The following VRK2 variants were observed in gnomAD, a reference collection of about 807,000 sequenced individuals.
VRK2 encodes VRK serine/threonine kinase 2.
VRK2 carries 60 observed loss-of-function variants against 57.6 expected under a neutral mutation model. The ratio of observed to expected loss-of-function variants is 1.04; its 90% CI spans 0.85 to 1.29. VRK2 has a LOEUF of 1.29. VRK2 is among the 50% of genes most tolerant of loss of function. VRK2 has a pLI of 0.00. For synonymous variants in VRK2, 231 were observed against 199.2 expected (o/e 1.16, Z -1.35); for missense variants, 705 against 588.1 (o/e 1.20, Z -2.06).
At chr2:58,135,262 C>A (rs887237021) in intron 10 of VRK2, 63 bp downstream of exon 10, 3 of 1,587,128 alleles carry the variant, frequency 1.9e-6, no homozygotes, top group Non-Finnish European at 2.6e-6. Flanking sequence ...TTGTCGTTAT[C>A]GTTTGGTAGC....
intron 1 of VRK2, among the ~76,000 whole-genome samples, chr2:57,958,419 G>A (rs183666343): frequency 6.6e-6 from 1 of 150,926 alleles, no homozygotes; most frequent in East Asian, 2.0e-4. Flanking sequence ...ATGTGTGTGT[G>A]TGTGTGTGTA....
chr2:58,048,797 A>C (rs1318700005), intron 1 of VRK2, 30 bp from the exon 2 acceptor site: 1 of 1,601,432 alleles, frequency 6.2e-7, no homozygotes, highest in Admixed American at 1.7e-5. Context: ...TTTTCTTTTT[A>C]CCCATTTATC....
intron 2 of VRK2, among the ~76,000 whole-genome samples, chr2:58,061,302 T>C (rs1457805310): frequency 2.0e-5 from 3 of 151,898 alleles, no homozygotes; most frequent in African/African-American, 7.2e-5. Context: ...GAGAAATAGA[T>C]AAATGGGTTG....
At chr2:57,976,162 G>A (rs1672246474) in intron 1 of VRK2, among the ~76,000 whole-genome samples, 1 of 152,186 alleles carries the variant, frequency 6.6e-6, no homozygotes, top group African/African-American at 2.4e-5. Flanking sequence ...TCAGTCCACT[G>A]TTCAGCATCT....
intron 1 of VRK2, among the ~76,000 whole-genome samples, chr2:57,981,129 T>G (rs1407836336): frequency 1.3e-5 from 2 of 152,216 alleles, no homozygotes; most frequent in Non-Finnish European, 2.9e-5. Context: ...CTTTATAATG[T>G]CAGTGGGCTA....
At chr2:57,973,640 A>G (rs1672161668) in intron 1 of VRK2, among the ~76,000 whole-genome samples, 1 of 151,904 alleles carries the variant, frequency 6.6e-6, no homozygotes, top group African/African-American at 2.4e-5. Flanking sequence ...TGGGCCATCA[A>G]AGCAGCAGTA....
intron 7 of VRK2, among the ~76,000 whole-genome samples, chr2:58,107,974 C>T (rs948205339): frequency 6.6e-6 from 1 of 152,152 alleles, no homozygotes; most frequent in Non-Finnish European, 1.5e-5. Context: ...GCAGATTTTA[C>T]CCTTGTTGGG....
chr2:57,932,905 G>A (rs1054407311), intron 1 of VRK2, among the ~76,000 whole-genome samples: 2 of 152,090 alleles, frequency 1.3e-5, no homozygotes, highest in African/African-American at 4.8e-5. Context: ...TTTGTCTCAA[G>A]ATAATTTCTT....
chr2:57,924,824 G>T (rs1572866430), intron 1 of VRK2, among the ~76,000 whole-genome samples: 1 of 151,822 alleles, frequency 6.6e-6, no homozygotes, highest in African/African-American at 2.4e-5. Flanking sequence ...CAATCTATGT[G>T]ATACTAACTG....
At chr2:57,983,089 T>C (rs1672481816) in intron 1 of VRK2, among the ~76,000 whole-genome samples, 1 of 152,078 alleles carries the variant, frequency 6.6e-6, no homozygotes, top group Non-Finnish European at 1.5e-5. Flanking sequence ...AACTTCCTCC[T>C]TTTTTAGCCC....
chr2:58,143,252 G>C (rs958148966), intron 11 of VRK2, among the ~76,000 whole-genome samples: 1 of 151,904 alleles, frequency 6.6e-6, no homozygotes, highest in Non-Finnish European at 1.5e-5. Context: ...TTATAGAACA[G>C]TGTGAAGTTC....
chr2:58,137,224 C>CTCATATATGATACACATATATCAT (rs1553422542), intron 10 of VRK2, among the ~76,000 whole-genome samples: 1 of 65,142 alleles, frequency 1.5e-5, no homozygotes, highest in Non-Finnish European at 2.6e-5. Flanking sequence ...ACATATATAT[C>CTCATATATGATACACATATATCAT]ATATGATACA....
chr2:58,001,938 A>G (rs1417303413), intron 1 of VRK2, among the ~76,000 whole-genome samples: 1 of 152,170 alleles, frequency 6.6e-6, no homozygotes, highest in Non-Finnish European at 1.5e-5. Flanking sequence ...CTTTAAGATC[A>G]TGATATTCAT....
intron 1 of VRK2, among the ~76,000 whole-genome samples, chr2:58,000,324 G>C (rs1453451933): frequency 6.6e-6 from 1 of 152,090 alleles, no homozygotes; most frequent in African/African-American, 2.4e-5. Flanking sequence ...AAAGCTCCCT[G>C]CATTAGCTTC....
At chr2:58,083,174 A>C (rs1455786365) in intron 2 of VRK2, among the ~76,000 whole-genome samples, 3 of 151,734 alleles carry the variant, frequency 2.0e-5, no homozygotes, top group Non-Finnish European at 4.4e-5. Context: ...TCCTTCAGAT[A>C]TCATCCAGAC....
intron 1 of VRK2, among the ~76,000 whole-genome samples, chr2:57,946,352 G>C (rs547241110): frequency 1.3e-5 from 2 of 151,820 alleles, no homozygotes; most frequent in Non-Finnish European, 1.5e-5. Context: ...CTTTTTATGA[G>C]TATTTACATG....
chr2:58,039,173 C>T (rs573430644), intron 3 of VRK2, among the ~76,000 whole-genome samples: 1 of 152,220 alleles, frequency 6.6e-6, no homozygotes, highest in East Asian at 1.9e-4. Flanking sequence ...ATCATCCTGG[C>T]CAGTTTATAC....
At chr2:58,035,193 C>T (rs573586540) in intron 3 of VRK2, among the ~76,000 whole-genome samples, 1 of 152,028 alleles carries the variant, frequency 6.6e-6, no homozygotes, top group Non-Finnish European at 1.5e-5. Flanking sequence ...GGCCAGTATT[C>T]ATCTTTCCTT....
At chr2:57,943,951 G>A (rs1439630701) in intron 1 of VRK2, among the ~76,000 whole-genome samples, 1 of 152,136 alleles carries the variant, frequency 6.6e-6, no homozygotes, top group Non-Finnish European at 1.5e-5. Context: ...TAGACAATTC[G>A]TAAATGAAAT....
Sources: allele counts gnomAD v4.1 joint callset (sites outside exome capture counted in the v4.1 genomes callset), GRCh38; gene constraint gnomAD v4.1.1; transcripts MANE v1.5; gene names NCBI Gene and HGNC (gene_info 2026-07-23, HGNC 2026-07-21).